The following KMO variants were observed in gnomAD, a reference collection of about 807,000 sequenced individuals.
The protein encoded by KMO is kynurenine 3-hydroxylase.
Under a neutral mutation model 57.8 loss-of-function variants are expected in KMO, and 24 were observed. That is an observed-to-expected ratio of 0.42 (90% CI 0.30 to 0.58). KMO has a LOEUF of 0.58. Among genes scored for constraint, KMO ranks in the 20% least tolerant of loss-of-function variants. KMO has a pLI of 0.22. For synonymous variants in KMO, 210 were observed against 193.6 expected (o/e 1.08, Z -0.70); for missense variants, 483 against 588.2 (o/e 0.82, Z 1.85).
chr1:241,592,017 T>C lies in KMO; in HGVS notation c.1325T>C (p.Ile442Thr). The change falls in exon 15 of 15, where the codon ATA (isoleucine) becomes ACA (threonine). Residue 442 changes from isoleucine to threonine, a missense_variant. By Grantham distance (89) the Ile-to-Thr change is moderately conservative (BLOSUM62 -1). Coordinates refer to ENST00000366559, the MANE Select transcript of KMO (RefSeq NM_003679.5). ...GCCATCAGCAGTACCTACCTACTTA[T>C]ACACTACATGTCACCACGATCTTTC... The part of the protein sequence containing the change: ...LIAISSTYLL[I>T]HYMSPRSFLR... The C allele has an allele frequency of 6.2e-7, 1 of 1,614,058 alleles. No homozygotes were observed. Among genetic ancestry groups the C allele is most frequent in the Non-Finnish European group, 8.5e-7 (1 of 1,179,932 alleles).
intron 1 of KMO, among the ~76,000 whole-genome samples, chr1:241,540,473 A>G (rs918316047): frequency 2.0e-5 from 3 of 152,184 alleles, no homozygotes; most frequent in South Asian, 2.1e-4. Flanking sequence ...AAAGGTAGGC[A>G]TTTTCCAAAA....
intron 10 of KMO, among the ~76,000 whole-genome samples, chr1:241,585,477 G>A (rs1011613562): frequency 3.3e-5 from 5 of 151,710 alleles, no homozygotes; most frequent in Non-Finnish European, 7.4e-5. Flanking sequence ...ATATCTTAAG[G>A]CCGGGCACAG....
At chr1:241,566,768 T>A (rs1662095534) in intron 9 of KMO, among the ~76,000 whole-genome samples, 156 bp downstream of exon 9, 1 of 152,226 alleles carries the variant, frequency 6.6e-6, no homozygotes, top group South Asian at 2.1e-4. Flanking sequence ...GTGGATATTG[T>A]GCTGTGAGCA....
intron 1 of KMO, among the ~76,000 whole-genome samples, chr1:241,539,684 G>A (rs1932439): frequency 3.3e-5 from 5 of 151,854 alleles, no homozygotes; most frequent in Non-Finnish European, 7.4e-5. Context: ...TATTCTCTCC[G>A]CAGCTCACTT....
At position 241,592,103 on chromosome 1, in the gene KMO, G is replaced by A. The variant is rs765627324; in HGVS notation, c.1411G>A (p.Ala471Thr). 5.6e-6 allele frequency: 9 copies of A among 1,613,762 alleles called. No homozygotes were observed. The highest frequency in any genetic ancestry group is 2.2e-5 in the East Asian group (1 of 44,848). Residue 471 changes from alanine to threonine, a missense_variant, in exon 15 of 15, where the codon GCA becomes ACA. Around this residue, in one of 3 missense-constraint regions of KMO, gnomAD observed 410 missense variants for 492.3 expected, o/e 0.83. Coordinates refer to ENST00000366559, the MANE Select transcript of KMO (RefSeq NM_003679.5). ...CTTCCGGAATACAACATGTTTCCCC[G>A]CAAAGGCCGTGGACTCCCTAGAACA... ...AHFRNTTCFP[A>T]KAVDSLEQIS...
chr1:241,570,117 T>C (rs188780000), intron 10 of KMO, among the ~76,000 whole-genome samples: 20 of 152,132 alleles, frequency 1.3e-4, no homozygotes, highest in African/African-American at 4.8e-4. Flanking sequence ...TCTTATATAT[T>C]CTGATTATTA....
At chr1:241,540,376 A>G (rs1573902133) in intron 1 of KMO, among the ~76,000 whole-genome samples, 1 of 152,146 alleles carries the variant, frequency 6.6e-6, no homozygotes, top group Non-Finnish European at 1.5e-5. Flanking sequence ...ACATATATAT[A>G]TATAATTACA....
intron 11 of KMO, among the ~76,000 whole-genome samples, chr1:241,588,329 C>CTTTTTTTTTTTTTTTTTTTTTTTTT (rs57587351): frequency 1.0e-5 from 1 of 98,390 alleles, no homozygotes; most frequent in Admixed American, 1.4e-4. Context: ...TCTTTTTTTT[C>CTTTTTTTTTTTTTTTTTTTTTTTTT]TTTTTTTTTT....
At position 241,586,739 on chromosome 1, in the gene KMO, A is replaced by T; in HGVS notation, c.1015+3A>T. On this transcript the variant is annotated splice_donor_region_variant and intron_variant, in intron 11 of 14. Transcript: ENST00000366559. ...GGATAAATTCAGTAACGACCTTAGT[A>T]AGTAAGGTCAATTTCTCAACTGGAC... is the stretch of plus-strand genomic sequence containing the variant. The T allele has an allele frequency of 6.3e-7, 1 of 1,593,068 alleles. No homozygotes were observed. Among genetic ancestry groups the T allele is most frequent in the Non-Finnish European group, 8.6e-7 (1 of 1,167,764 alleles).
chr1:241,588,883 C>T, intron 12 of KMO, 53 bp downstream of exon 12: 1 of 1,302,716 alleles, frequency 7.7e-7, no homozygotes, highest in South Asian at 1.2e-5. Flanking sequence ...GATATTCTAA[C>T]AAGTGTTCTT....
In KMO at chr1:241,594,259, G is replaced by T. The variant is rs1663425918; in HGVS notation, c.*2106G>T. 3 of 674,214 alleles carry T rather than the reference G, an allele frequency of 4.4e-6. No homozygotes were observed. The highest frequency in any genetic ancestry group is 5.2e-5 in the South Asian group (2 of 38,804). 41.8% of individuals were successfully genotyped at this position (674,214 alleles called of 1,614,324 possible). ...CGTTGAATTAAAAGAATTTGTTTTT[G>T]TTCAACCTCTTCCTGAGGCCCAAGA... On this transcript the variant is annotated 3_prime_UTR_variant, in exon 15 of 15. Transcript: ENST00000366559.
At chr1:241,541,208 CAGA>C (rs1403749518) in intron 1 of KMO, among the ~76,000 whole-genome samples, 3 of 152,058 alleles carry the variant, frequency 2.0e-5, no homozygotes, top group African/African-American at 7.2e-5. Context: ...CTGTGGGTAG[CAGA>C]AGATCTGCTG....
rs189410467 is a variant in KMO, at chr1:241,593,641, T to C, written c.*1488T>C. 9.8e-6 allele frequency: 2 copies of C among 204,322 alleles called. No individual in the cohort carries two copies. Among genetic ancestry groups the C allele is most frequent in the African/African-American group, 4.5e-5 (2 of 44,402 alleles). The allele number at this position is 204,322 out of a possible 1,614,324, so 12.7% of individuals were successfully genotyped here. On this transcript the variant is annotated 3_prime_UTR_variant, in exon 15 of 15. Coordinates refer to ENST00000366559, the MANE Select transcript of KMO (RefSeq NM_003679.5). Reference sequence around the variant, plus strand: ...ACAAACATAAATTTATTAGCGGGTATATGTAATATATATGTGGGAAATACA... The same window carrying C: ...ACAAACATAAATTTATTAGCGGGTACATGTAATATATATGTGGGAAATACA...
Position 241,568,632 on chromosome 1 carries a change from G to T in KMO, c.942G>T (p.Gly314=), listed in dbSNP as rs1220715247. The T allele has an allele frequency of 6.2e-7, 1 of 1,613,594 alleles. No homozygotes were observed. The highest frequency in any genetic ancestry group is 1.1e-5 in the South Asian group (1 of 91,048). Residue 314 remains glycine, a synonymous_variant, in exon 10 of 15, where the codon GGG becomes GGT. Coordinates refer to ENST00000366559, the MANE Select transcript of KMO (RefSeq NM_003679.5). The stretch of plus-strand genomic sequence containing the variant: ...CTCATGCTATAGTGCCGTTTTTTGG[G>T]CAAGGAATGAATGCGGTAAGTTCTT... ...DAAHAIVPFF[G]QGMNAGFEDC... is the part of the protein sequence containing the mutation.
chr1:241,581,578 G>A lies in KMO; in HGVS notation c.958-5101G>A, dbSNP rs139869032. 8.0e-5 allele frequency among the ~76,000 whole-genome samples: 12 copies of A among 150,088 alleles called. No individual in the cohort carries two copies. The East Asian group carries it at 1.9e-3, about 24-fold the overall frequency. ...TTTTAAACTGATGACAACTTAACCC[G>A]GATTACAAAGAAAAAGAAAGAAAGA... On this transcript the variant is annotated intron_variant, in intron 10 of 14. Transcript: ENST00000366559.
chr1:241,587,062 G>A (rs1052923560), intron 11 of KMO, among the ~76,000 whole-genome samples: 4 of 152,036 alleles, frequency 2.6e-5, no homozygotes, highest in South Asian at 4.2e-4. Flanking sequence ...CTCTGCCTGC[G>A]CCTCCTAGCA....
intron 14 of KMO, among the ~76,000 whole-genome samples, chr1:241,590,938 G>C (rs1036498090): frequency 1.3e-5 from 2 of 152,182 alleles, no homozygotes; most frequent in Non-Finnish European, 2.9e-5. Context: ...ATATTTCAGT[G>C]GAGCTGGAAG....
intron 1 of KMO, among the ~76,000 whole-genome samples, chr1:241,542,659 T>C (rs756713884): frequency 6.6e-6 from 1 of 152,252 alleles, no homozygotes; most frequent in Non-Finnish European, 1.5e-5. Context: ...AAAATAGTTT[T>C]GTTTCTCCCA....
chr1:241,533,630 G>A (rs1191009563), intron 1 of KMO, among the ~76,000 whole-genome samples: 1 of 152,186 alleles, frequency 6.6e-6, no homozygotes, highest in Non-Finnish European at 1.5e-5. Flanking sequence ...GAATTCATGT[G>A]TTCAACAAAA....
Sources: gnomAD v4.1 joint callset for allele counts (sites outside exome capture counted in the v4.1 genomes callset) on GRCh38, gnomAD v4.1.1 for gene constraint, gnomAD v4.1.1 regional missense constraint, MANE v1.5 for transcripts, NCBI Gene and HGNC (gene_info 2026-07-23, HGNC 2026-07-21) for gene names.